SPRED1: variants seen among roughly 807,000 people sequenced by gnomAD.
SPRED1 encodes sprouty-related, EVH1 domain-containing protein 1.
In SPRED1, 18 loss-of-function variants were observed where a neutral mutation model predicts 52.3. The ratio of observed to expected loss-of-function variants is 0.34; its 90% confidence interval spans 0.24 to 0.51. SPRED1 has a LOEUF of 0.51. Ranked by LOEUF, SPRED1 falls within the 20% of genes least tolerant of loss-of-function variation. SPRED1 has a pLI of 0.97. For synonymous variants in SPRED1, 155 were observed against 179.7 expected, an observed-to-expected ratio of 0.86 and a Z score of 1.10; for missense variants, 485 against 551.0, an observed-to-expected ratio of 0.88 and a Z score of 1.20.
chr15:38,253,686 CG>C (rs1333317410), intron 1 of SPRED1, among the ~76,000 whole-genome samples: 1 of 151,566 alleles, frequency 6.6e-6, no homozygotes, highest in Non-Finnish European at 1.5e-5. Context: ...TCTTAAATAC[CG>C]ATTAAGCCTT....
Position 38,352,805 on chromosome 15 carries a change from C to T in SPRED1, c.*1141C>T, listed in dbSNP as rs1246110063. On this transcript the variant is annotated 3_prime_UTR_variant, in exon 7 of 7. Coordinates refer to ENST00000299084, the MANE Select transcript of SPRED1 (RefSeq NM_152594.3). ...CATAACAATAACTTTTTATCAGTTA[C>T]ATTTTATTTTTATTTAAACTGGCCA... The T allele has an allele frequency of 6.6e-6, 1 of 152,036 alleles. No homozygotes were observed. Among genetic ancestry groups the T allele is most frequent in the African/African-American group, 2.4e-5 (1 of 41,430 alleles). The allele number at this position is 152,036 out of a possible 1,614,324, so 9.4% of individuals were successfully genotyped here.
intron 2 of SPRED1, among the ~76,000 whole-genome samples, chr15:38,304,506 A>G (rs552407538): frequency 1.4e-4 from 22 of 152,304 alleles, no homozygotes; most frequent in African/African-American, 5.3e-4. Flanking sequence ...TCCCCTTACA[A>G]GTTATTAGTC....
intron 1 of SPRED1, among the ~76,000 whole-genome samples, chr15:38,269,297 T>G (rs895307134): frequency 2.6e-5 from 4 of 152,082 alleles, no homozygotes; most frequent in Non-Finnish European, 5.9e-5. Context: ...CAGGCTGGAG[T>G]GCAGTGGCAC....
intron 1 of SPRED1, among the ~76,000 whole-genome samples, chr15:38,284,082 C>G (rs1894752713): frequency 6.6e-6 from 1 of 152,084 alleles, no homozygotes; most frequent in Admixed American, 6.5e-5. Flanking sequence ...TCCAGATTAT[C>G]TTTTAAGGCA....
intron 6 of SPRED1, 40 bp downstream of exon 6, chr15:38,349,563 TA>T (rs1595762583): frequency 3.8e-5 from 37 of 985,518 alleles, no homozygotes; most frequent in Non-Finnish European, 5.4e-5. Flanking sequence ...GGAATTTAAC[TA>T]ATTAATAGAT....
chr15:38,276,808 TTTGCCTGATTTATG>T (rs1894564447), intron 1 of SPRED1, among the ~76,000 whole-genome samples: 1 of 152,220 alleles, frequency 6.6e-6, no homozygotes, highest in Admixed American at 6.5e-5. Flanking sequence ...TTTTAAAGTT[TTTGCCTGATTTATG>T]AAACACTGTA....
intron 2 of SPRED1, among the ~76,000 whole-genome samples, chr15:38,306,433 GCA>G (rs1895251041): frequency 6.6e-6 from 1 of 152,118 alleles, no homozygotes; most frequent in Non-Finnish European, 1.5e-5. Context: ...CTGGGTTAAA[GCA>G]CCTTGGACAA....
intron 3 of SPRED1, among the ~76,000 whole-genome samples, chr15:38,322,634 T>G (rs1436887773): frequency 6.6e-6 from 1 of 152,178 alleles, no homozygotes; most frequent in African/African-American, 2.4e-5. Flanking sequence ...TGTATTATCT[T>G]GAAGAGTCCA....
At chr15:38,344,577 A>C (rs997291713) in intron 5 of SPRED1, among the ~76,000 whole-genome samples, 1 of 152,188 alleles carries the variant, frequency 6.6e-6, no homozygotes, top group Non-Finnish European at 1.5e-5. Context: ...CATGGCCTCT[A>C]GAGCTATTCT....
At chr15:38,264,359 T>C (rs1894261486) in intron 1 of SPRED1, among the ~76,000 whole-genome samples, 1 of 152,164 alleles carries the variant, frequency 6.6e-6, no homozygotes, top group African/African-American at 2.4e-5. Context: ...CTTGAAGTGG[T>C]AGATTGACAC....
chr15:38,262,466 A>G (rs537860151), intron 1 of SPRED1, among the ~76,000 whole-genome samples: 4 of 152,340 alleles, frequency 2.6e-5, no homozygotes, highest in African/African-American at 9.6e-5. Context: ...GAATGAGAGC[A>G]TGGAATGGGG....
intron 2 of SPRED1, among the ~76,000 whole-genome samples, chr15:38,320,340 C>A (rs1365636164): frequency 6.6e-6 from 1 of 152,090 alleles, no homozygotes; most frequent in Non-Finnish European, 1.5e-5. Flanking sequence ...TGGTTGAGTA[C>A]CTAATGTTTG....
intron 1 of SPRED1, among the ~76,000 whole-genome samples, chr15:38,294,347 G>A (rs1595730603): frequency 1.3e-5 from 2 of 151,994 alleles, no homozygotes; most frequent in East Asian, 3.9e-4. Context: ...GTGGTTGGTG[G>A]GGCGGAGGTC....
At chr15:38,259,015 T>C (rs1467949179) in intron 1 of SPRED1, among the ~76,000 whole-genome samples, 1 of 152,218 alleles carries the variant, frequency 6.6e-6, no homozygotes, top group Non-Finnish European at 1.5e-5. Context: ...CCTTTGTTGA[T>C]GGTGTATGAT....
At chr15:38,305,033 G>A (rs7168268) in intron 2 of SPRED1, among the ~76,000 whole-genome samples, 125,380 of 152,164 alleles carry the variant, frequency 0.82, 52,447 homozygotes, top group Non-Finnish European at 0.9. Context: ...TTTTCCTTCA[G>A]TACTCTTTTC....
At chr15:38,324,605 G>T (rs1468520353) in intron 3 of SPRED1, among the ~76,000 whole-genome samples, 158 bp from the exon 4 acceptor site, 1 of 152,108 alleles carries the variant, frequency 6.6e-6, no homozygotes, top group African/African-American at 2.4e-5. Flanking sequence ...TATTCTAACA[G>T]GGGCAAATGC....
At chr15:38,336,154 A>G (rs1895908832) in intron 4 of SPRED1, among the ~76,000 whole-genome samples, 1 of 151,774 alleles carries the variant, frequency 6.6e-6, no homozygotes, top group South Asian at 2.1e-4. Context: ...TTCAAATGAC[A>G]ACACCGTATT....
chr15:38,253,959 T>C (rs749854412), intron 1 of SPRED1, among the ~76,000 whole-genome samples: 3 of 152,192 alleles, frequency 2.0e-5, no homozygotes, highest in Non-Finnish European at 4.4e-5. Flanking sequence ...AATATGTTGG[T>C]GATTTCATTA....
chr15:38,309,395 C>T (rs1047309263), intron 2 of SPRED1, among the ~76,000 whole-genome samples: 2 of 152,234 alleles, frequency 1.3e-5, no homozygotes, highest in African/African-American at 4.8e-5. Context: ...CCCGCCTTAG[C>T]CTCCCAACGT....
Sources: allele counts gnomAD v4.1 joint callset (sites outside exome capture counted in the v4.1 genomes callset), GRCh38; gene constraint gnomAD v4.1.1; transcripts MANE v1.5; gene names NCBI Gene and HGNC (gene_info 2026-07-23, HGNC 2026-07-21).